KIF25: variants seen among roughly 807,000 people sequenced by gnomAD.
KIF25 encodes the protein kinesin-like protein KIF25.
A neutral mutation model predicts 32.9 loss-of-function variants in KIF25; 19 were observed. The ratio of observed to expected loss-of-function variants is 0.58; its 90% CI spans 0.40 to 0.85. The LOEUF is 0.85. Ranked by LOEUF, KIF25 falls within the 40% of genes least tolerant of loss-of-function variation. The probability of loss-of-function intolerance (pLI) is 0.00; values close to 1 mark genes in which losing one functional copy is unlikely to be tolerated. For synonymous variants in KIF25, 225 were observed against 213.7 expected, an observed-to-expected ratio of 1.05 and a Z score of -0.46; for missense variants, 485 against 507.0, an observed-to-expected ratio of 0.96 and a Z score of 0.42.
intron 5 of KIF25, among the ~76,000 whole-genome samples, chr6:168,023,890 CAAT>C (rs1798822356): frequency 6.6e-6 from 1 of 152,180 alleles, no homozygotes; most frequent in Non-Finnish European, 1.5e-5. Context: ...TCAAGGATTG[CAAT>C]AATATTAGAA....
chr6:168,009,274 A>G (rs1473544593), intron 4 of KIF25, among the ~76,000 whole-genome samples: 1 of 150,982 alleles, frequency 6.6e-6, no homozygotes, highest in African/African-American at 2.4e-5. Flanking sequence ...GTTTTTTTTT[A>G]TCATGAAAGG....
At chr6:168,021,228 A>G (rs997185936) in intron 5 of KIF25, among the ~76,000 whole-genome samples, 1 of 152,322 alleles carries the variant, frequency 6.6e-6, no homozygotes. Context: ...CTCTTAATTT[A>G]TAGTATTCTG....
intron 5 of KIF25, among the ~76,000 whole-genome samples, chr6:168,028,334 G>A (rs1187246426): frequency 6.6e-6 from 1 of 152,092 alleles, no homozygotes; most frequent in East Asian, 1.9e-4. Context: ...ACAGGCGTGA[G>A]CCATCGTGCC....
chr6:168,001,479 A>C (rs1178584451), intron 2 of KIF25, among the ~76,000 whole-genome samples: 1 of 152,258 alleles, frequency 6.6e-6, no homozygotes, highest in African/African-American at 2.4e-5. Flanking sequence ...AGGCACATAC[A>C]TGCAAATGAA....
intron 4 of KIF25, among the ~76,000 whole-genome samples, chr6:168,004,489 A>G (rs937686503): frequency 2.6e-5 from 4 of 152,208 alleles, no homozygotes; most frequent in African/African-American, 9.7e-5. Flanking sequence ...GAAAGAGAAA[A>G]GGGTTGTGAT....
At chr6:168,011,617 A>C (rs541814496) in intron 4 of KIF25, among the ~76,000 whole-genome samples, 22 of 152,304 alleles carry the variant, frequency 1.4e-4, no homozygotes, top group African/African-American at 5.1e-4. Flanking sequence ...TGCTGCTTTT[A>C]AAATTATTTG....
intron 2 of KIF25, among the ~76,000 whole-genome samples, chr6:168,001,709 T>TTCA (rs1562378905): frequency 2.3e-4 from 23 of 100,606 alleles, no homozygotes; most frequent in East Asian, 7.9e-4. Context: ...AGAAGACACC[T>TTCA]GAGGCGTGGC....
At chr6:168,001,280 G>T (rs1216900958) in intron 2 of KIF25, among the ~76,000 whole-genome samples, 1 of 152,236 alleles carries the variant, frequency 6.6e-6, no homozygotes, top group Non-Finnish European at 1.5e-5. Context: ...TTTTCTTTCA[G>T]CGTCATCTCA....
intron 4 of KIF25, among the ~76,000 whole-genome samples, chr6:168,006,817 C>T (rs557819761): frequency 6.6e-6 from 1 of 152,220 alleles, no homozygotes; most frequent in East Asian, 1.9e-4. Context: ...ATGATGGTTA[C>T]GTATTGTAAA....
intron 5 of KIF25, among the ~76,000 whole-genome samples, chr6:168,029,003 A>G (rs1798903018): frequency 6.6e-6 from 1 of 152,076 alleles, no homozygotes; most frequent in African/African-American, 2.4e-5. Flanking sequence ...TGGATTTCTC[A>G]GATGTATGGC....
At chr6:168,011,880 C>T (rs1278873118) in intron 4 of KIF25, among the ~76,000 whole-genome samples, 1 of 152,068 alleles carries the variant, frequency 6.6e-6, no homozygotes, top group African/African-American at 2.4e-5. Flanking sequence ...ATCTCTCTTT[C>T]CCTCTGTCTG....
chr6:168,042,332 G>A (rs548617036), intron 11 of KIF25, among the ~76,000 whole-genome samples, 181 bp downstream of exon 11: 1 of 152,284 alleles, frequency 6.6e-6, no homozygotes, highest in East Asian at 1.9e-4. Flanking sequence ...CCGGCAACCC[G>A]AGAGTCGTGT....
intron 5 of KIF25, among the ~76,000 whole-genome samples, chr6:168,028,033 CT>C (rs1038326100): frequency 2.6e-5 from 4 of 152,116 alleles, no homozygotes; most frequent in Non-Finnish European, 5.9e-5. Context: ...AAGAACCCCC[CT>C]GTGGACTCTG....
rs1350255068 is a variant in KIF25, at chr6:168,042,720, A to G, written c.985+4A>G. 4.4e-6 allele frequency: 7 copies of G among 1,607,088 alleles called. No individual in the cohort carries two copies. The South Asian group carries it at 7.7e-5, about 18-fold the overall frequency. On this transcript the variant is annotated splice_donor_region_variant and intron_variant, in intron 12 of 12. Transcript: ENST00000643607. ...CACCTCCTTCAGGACTGCCTCGGTA[A>G]CCGTTTTCCCCAAAATGCCCCAGGA... is the stretch of plus-strand genomic sequence containing the variant.
chr6:168,005,980 C>T (rs1798574507), intron 4 of KIF25, among the ~76,000 whole-genome samples: 1 of 152,200 alleles, frequency 6.6e-6, no homozygotes, highest in South Asian at 2.1e-4. Flanking sequence ...TGCTTTGTTC[C>T]TGGCCCAGCA....
At chr6:168,033,015 A>G (rs73260879) in intron 7 of KIF25, among the ~76,000 whole-genome samples, 7,493 of 152,240 alleles carry the variant, frequency 0.049, 360 homozygotes, top group African/African-American at 0.12. Context: ...TGGGCTAAAT[A>G]GCACAATTGG....
intron 8 of KIF25, among the ~76,000 whole-genome samples, chr6:168,036,759 GAATGT>G (rs1799031062): frequency 6.6e-6 from 1 of 152,164 alleles, no homozygotes; most frequent in African/African-American, 2.4e-5. Flanking sequence ...GAGAGGAGGA[GAATGT>G]AAAAACTCTA....
At chr6:168,043,061 G>C (rs532730997) in intron 12 of KIF25, among the ~76,000 whole-genome samples, 1 of 152,176 alleles carries the variant, frequency 6.6e-6, no homozygotes. Flanking sequence ...CCCTCCGGCT[G>C]TGTAGACCTG....
chr6:168,030,640 T>C (rs571197420), intron 6 of KIF25, 133 bp from the exon 7 acceptor site: 4 of 606,510 alleles, frequency 6.6e-6, no homozygotes, highest in Non-Finnish European at 1.2e-5. Context: ...GATTAATCTT[T>C]TGTTGAAGAA....
Sources: allele counts gnomAD v4.1 joint callset (sites outside exome capture counted in the v4.1 genomes callset), GRCh38; gene constraint gnomAD v4.1.1; transcripts MANE v1.5; gene names NCBI Gene and HGNC (gene_info 2026-07-23, HGNC 2026-07-21).